The following ATRNL1 variants were observed in gnomAD, a reference collection of about 807,000 sequenced individuals.
ATRNL1 encodes attractin-like protein 1.
A neutral mutation model predicts 182.7 loss-of-function variants in ATRNL1; 95 were observed. The observed-to-expected ratio is 0.52, with a 90% confidence interval of 0.44 to 0.62. The LOEUF is 0.62. ATRNL1 is among the 20% of genes least tolerant of loss of function. The pLI, the probability that ATRNL1 is intolerant of heterozygous loss-of-function variation, is 0.00. For missense variants in ATRNL1, 1,471 were observed against 1,679.5 expected, an observed-to-expected ratio of 0.88 and a Z score of 2.17; for synonymous variants, 576 against 568.3, an observed-to-expected ratio of 1.01 and a Z score of -0.19.
At chr10:115,276,350 A>G (rs1554914833) in intron 13 of ATRNL1, among the ~76,000 whole-genome samples, 2 of 152,226 alleles carry the variant, frequency 1.3e-5, no homozygotes, top group African/African-American at 2.4e-5. Context: ...ACATATGAAA[A>G]TACAACATAT....
At chr10:115,496,317 G>A (rs1554978255) in intron 24 of ATRNL1, among the ~76,000 whole-genome samples, 1 of 152,042 alleles carries the variant, frequency 6.6e-6, no homozygotes, top group Non-Finnish European at 1.5e-5. Context: ...TTTTTGTGGT[G>A]GAAAGTAATG....
intron 24 of ATRNL1, among the ~76,000 whole-genome samples, chr10:115,509,501 G>T (rs1321379123): frequency 6.6e-6 from 1 of 151,864 alleles, no homozygotes; most frequent in Non-Finnish European, 1.5e-5. Flanking sequence ...GAGAGATCTG[G>T]TTGTTTAAAA....
chr10:115,114,667 A>T (rs2143564797), intron 1 of ATRNL1, among the ~76,000 whole-genome samples: 1 of 152,308 alleles, frequency 6.6e-6, no homozygotes, highest in East Asian at 1.9e-4. Flanking sequence ...CATCAGGGAA[A>T]TGCAGATCAA....
At chr10:115,428,793 T>G (rs1363042846) in intron 21 of ATRNL1, among the ~76,000 whole-genome samples, 1 of 152,134 alleles carries the variant, frequency 6.6e-6, no homozygotes, top group African/African-American at 2.4e-5. Context: ...AGAAAAATGC[T>G]GCAGTGAATG....
At chr10:115,622,927 G>GAA (rs111620844) in intron 26 of ATRNL1, among the ~76,000 whole-genome samples, 1 of 148,062 alleles carries the variant, frequency 6.8e-6, no homozygotes, top group African/African-American at 2.5e-5. Flanking sequence ...ACTGTGTCTC[G>GAA]AAAAAAAAAT....
intron 26 of ATRNL1, among the ~76,000 whole-genome samples, chr10:115,581,680 C>T (rs545426073): frequency 1.6e-4 from 24 of 151,786 alleles, no homozygotes; most frequent in African/African-American, 4.6e-4. Context: ...GAGATTGATC[C>T]AAGGTAAACA....
intron 28 of ATRNL1, among the ~76,000 whole-genome samples, chr10:115,926,451 C>CA (rs1199495373): frequency 3.2e-4 from 48 of 151,730 alleles, no homozygotes; most frequent in African/African-American, 1.1e-3. Context: ...AAAAACCCTC[C>CA]AAAAAATCAA....
rs1001168754 is a variant in ATRNL1, at chr10:115,505,065, G to T, written c.3655-14198G>T. ...CAAATTACAAAATTTACATAATAAG[G>T]TACTGAGACAAAAAGTCTGGTGGTG... On this transcript the variant is annotated intron_variant, in intron 24 of 28. Transcript: ENST00000355044. Among the ~76,000 whole-genome samples the T allele has an allele frequency of 3.9e-5, 6 of 152,016 alleles. No individual in the cohort carries two copies. In the East Asian group the frequency reaches 1.2e-3, roughly 29 times the overall value.
At chr10:115,526,810 A>T (rs1016270810) in intron 25 of ATRNL1, among the ~76,000 whole-genome samples, 1 of 152,122 alleles carries the variant, frequency 6.6e-6, no homozygotes, top group African/African-American at 2.4e-5. Flanking sequence ...TGAGACCACA[A>T]TGCCTACCTG....
intron 8 of ATRNL1, among the ~76,000 whole-genome samples, chr10:115,211,815 T>A: frequency 7.0e-6 from 1 of 143,526 alleles, no homozygotes; most frequent in African/African-American, 2.5e-5. Flanking sequence ...CCTGTGTCTA[T>A]GTGTTCTCAT....
intron 28 of ATRNL1, among the ~76,000 whole-genome samples, chr10:115,853,596 G>T (rs1401605831): frequency 6.6e-6 from 1 of 152,124 alleles, no homozygotes; most frequent in Non-Finnish European, 1.5e-5. Context: ...CACACTTGTA[G>T]AAACACATCT....
chr10:115,399,404 G>A (rs1554956414), intron 20 of ATRNL1, among the ~76,000 whole-genome samples: 1 of 151,984 alleles, frequency 6.6e-6, no homozygotes, highest in East Asian at 1.9e-4. Flanking sequence ...TCTTGGGAGG[G>A]TTTATGCGTC....
At chr10:115,514,112 T>C (rs1850522312) in intron 24 of ATRNL1, among the ~76,000 whole-genome samples, 1 of 151,992 alleles carries the variant, frequency 6.6e-6, no homozygotes, top group South Asian at 2.1e-4. Flanking sequence ...CAGGAGTTGG[T>C]TGAGGTCTTC....
chr10:115,328,997 C>T (rs1855061922), intron 18 of ATRNL1, among the ~76,000 whole-genome samples: 1 of 152,040 alleles, frequency 6.6e-6, no homozygotes, highest in Admixed American at 6.6e-5. Context: ...AGTGAGATTG[C>T]TGGATCATAT....
intron 27 of ATRNL1, among the ~76,000 whole-genome samples, chr10:115,729,165 A>G (rs1473788674): frequency 1.3e-5 from 2 of 152,192 alleles, no homozygotes; most frequent in African/African-American, 2.4e-5. Context: ...ATAGTGTTCA[A>G]TAATGTATTG....
chr10:115,924,758 T>G (rs1268526260), intron 28 of ATRNL1, among the ~76,000 whole-genome samples: 1 of 152,224 alleles, frequency 6.6e-6, no homozygotes, highest in African/African-American at 2.4e-5. Context: ...ATGTGAAATC[T>G]AAAGTAGTTT....
At chr10:115,134,874 G>C (rs1554876219) in intron 5 of ATRNL1, among the ~76,000 whole-genome samples, 4 of 152,182 alleles carry the variant, frequency 2.6e-5, no homozygotes, top group African/African-American at 9.7e-5. Context: ...TGCAAGGCTA[G>C]TTCAACATAT....
At chr10:115,770,666 A>G (rs1555076147) in intron 27 of ATRNL1, among the ~76,000 whole-genome samples, 1 of 152,176 alleles carries the variant, frequency 6.6e-6, no homozygotes, top group Non-Finnish European at 1.5e-5. Context: ...ATACACTGTA[A>G]TCCACAGAAG....
chr10:115,614,095 G>C (rs1443117573), intron 26 of ATRNL1, among the ~76,000 whole-genome samples: 1 of 151,624 alleles, frequency 6.6e-6, no homozygotes, highest in Non-Finnish European at 1.5e-5. Flanking sequence ...TGCTTTTTTA[G>C]TTCCTTGAGG....
Sources: gnomAD v4.1 joint callset for allele counts (sites outside exome capture counted in the v4.1 genomes callset) on GRCh38, gnomAD v4.1.1 for gene constraint, MANE v1.5 for transcripts, NCBI Gene and HGNC (gene_info 2026-07-23, HGNC 2026-07-21) for gene names.